TMC7: variants seen among roughly 807,000 people sequenced by gnomAD.
TMC7 encodes the protein transmembrane channel like 7.
TMC7 carries 54 observed loss-of-function variants against 82.9 expected under a neutral mutation model. The observed-to-expected ratio is 0.65, with a 90% confidence interval of 0.52 to 0.82. TMC7 has a LOEUF of 0.82. Ranked by LOEUF, TMC7 falls within the 40% of genes least tolerant of loss-of-function variation. The pLI is 0.00. For synonymous variants in TMC7, 350 were observed against 337.9 expected, an observed-to-expected ratio of 1.04 and a Z score of -0.39; for missense variants, 820 against 901.2, an observed-to-expected ratio of 0.91 and a Z score of 1.15.
chr16:19,039,837 C>T (rs149183430), intron 8 of TMC7, among the ~76,000 whole-genome samples: 27 of 152,098 alleles, frequency 1.8e-4, no homozygotes, highest in Non-Finnish European at 2.9e-4. Context: ...AGATGGCGGC[C>T]GGGCGAGGTG....
Position 19,051,753 on chromosome 16 carries a change from TC to T in TMC7, c.1810del (p.Leu604CysfsTer5), listed in dbSNP as rs1567529439. The T allele has an allele frequency of 1.2e-6, 2 of 1,614,020 alleles. No individual in the cohort carries two copies. The highest frequency in any genetic ancestry group is 1.7e-6 in the Non-Finnish European group (2 of 1,180,024). ...AGAGCATCCAATTCTAATTTCTTCTTCCTGTTGGTGTTGTTGATCGGGCTGT... is the reference window on the plus strand; with the variant it reads ...AGAGCATCCAATTCTAATTTCTTCTTCTGTTGGTGTTGTTGATCGGGCTGT... ...PFRASNSNFF[F>X]LLVLLIGLCL... On this transcript the variant is annotated frameshift_variant, in exon 13 of 16. Coordinates refer to ENST00000304381, the MANE Select transcript of TMC7 (RefSeq NM_024847.4). LOFTEE classifies it high-confidence loss of function.
chr16:18,990,928 A>G (rs910135626), intron 1 of TMC7, among the ~76,000 whole-genome samples: 33 of 152,314 alleles, frequency 2.2e-4, no homozygotes, highest in Non-Finnish European at 3.7e-4. Flanking sequence ...ATCTGGATGT[A>G]TACGTGCAGG....
chr16:19,008,620 G>C (rs1431229063), intron 1 of TMC7, among the ~76,000 whole-genome samples: 1 of 152,190 alleles, frequency 6.6e-6, no homozygotes, highest in African/African-American at 2.4e-5. Flanking sequence ...GCTGTGTTCT[G>C]TTGGTCCAAG....
At chr16:19,029,140 G>A (rs1409679775) in intron 5 of TMC7, among the ~76,000 whole-genome samples, 2 of 151,296 alleles carry the variant, frequency 1.3e-5, no homozygotes, top group African/African-American at 4.9e-5. Flanking sequence ...CGAGTAGCTG[G>A]GACTACAGGC....
intron 14 of TMC7, 54 bp from the exon 15 acceptor site, chr16:19,059,362 A>G (rs1037746455): frequency 4.2e-5 from 66 of 1,586,036 alleles, no homozygotes; most frequent in Non-Finnish European, 5.3e-5. Context: ...TTATTTTTCT[A>G]TTGGCCTTCA....
intron 13 of TMC7, 150 bp downstream of exon 13, chr16:19,051,966 C>T (rs940579798): frequency 2.0e-5 from 20 of 992,036 alleles, no homozygotes; most frequent in South Asian, 1.4e-4. Context: ...GCAGTCTTGG[C>T]TCACTGCAAC....
chr16:19,054,794 G>A (rs1300478336), intron 13 of TMC7, among the ~76,000 whole-genome samples: 1 of 143,600 alleles, frequency 7.0e-6, no homozygotes, highest in Non-Finnish European at 1.5e-5. Flanking sequence ...ACCCAGGCTG[G>A]AGTGCAGTGT....
At chr16:19,015,407 A>C (rs1227086540) in intron 2 of TMC7, among the ~76,000 whole-genome samples, 1 of 151,344 alleles carries the variant, frequency 6.6e-6, no homozygotes, top group Admixed American at 6.6e-5. Flanking sequence ...GATTACAGGC[A>C]TGAGCCACTG....
At chr16:18,997,021 G>A (rs1342070858) in intron 1 of TMC7, among the ~76,000 whole-genome samples, 1 of 152,198 alleles carries the variant, frequency 6.6e-6, no homozygotes, top group African/African-American at 2.4e-5. Context: ...GAAGGGTAGC[G>A]AGAGAGGCCA....
intron 2 of TMC7, chr16:19,012,273 A>G (rs1959401920): frequency 6.6e-6 from 1 of 152,200 alleles, no homozygotes; most frequent in South Asian, 2.1e-4. Context: ...AATTTATTTA[A>G]AAACCAAATA....
At chr16:19,027,898 G>GA (rs1169664838) in intron 5 of TMC7, among the ~76,000 whole-genome samples, 4 of 152,074 alleles carry the variant, frequency 2.6e-5, no homozygotes, top group Non-Finnish European at 5.9e-5. Context: ...CAGTTGTCAT[G>GA]AAAAATACAG....
intron 7 of TMC7, among the ~76,000 whole-genome samples, chr16:19,037,351 G>C (rs1407718578): frequency 1.6e-5 from 2 of 128,254 alleles, no homozygotes; most frequent in Non-Finnish European, 3.1e-5. Context: ...TTGGACCACT[G>C]CACTCCAGCC....
At chr16:19,047,530 G>A (rs1961336284) in intron 12 of TMC7, among the ~76,000 whole-genome samples, 2 of 149,762 alleles carry the variant, frequency 1.3e-5, no homozygotes, top group African/African-American at 4.9e-5. Context: ...CCGAGTAGCT[G>A]GGACTACAGG....
intron 1 of TMC7, among the ~76,000 whole-genome samples, chr16:19,003,159 C>T (rs1247380996): frequency 1.3e-5 from 2 of 152,150 alleles, no homozygotes; most frequent in Non-Finnish European, 2.9e-5. Context: ...AGCAAGACCC[C>T]GTCTCTACTA....
chr16:18,997,966 T>C (rs1442252716), intron 1 of TMC7, among the ~76,000 whole-genome samples: 1 of 151,738 alleles, frequency 6.6e-6, no homozygotes, highest in Admixed American at 6.6e-5. Context: ...TCTGCTGATC[T>C]CGTGATCCGC....
chr16:18,987,164 A>C (rs2038866531), intron 1 of TMC7, among the ~76,000 whole-genome samples: 1 of 152,154 alleles, frequency 6.6e-6, no homozygotes, highest in Non-Finnish European at 1.5e-5. Flanking sequence ...TCAGAGAGGC[A>C]GACCTCTGGG....
At chr16:19,032,547 TAA>T (rs199666328) in intron 6 of TMC7, among the ~76,000 whole-genome samples, 44,588 of 132,414 alleles carry the variant, frequency 0.34, 6,789 homozygotes, top group Non-Finnish European at 0.37. Context: ...TTGTAAATGA[TAA>T]AAAAAAAAAA....
At chr16:19,013,890 A>G (rs1400874481) in intron 2 of TMC7, among the ~76,000 whole-genome samples, 28 of 104,494 alleles carry the variant, frequency 2.7e-4, no homozygotes, top group African/African-American at 8.8e-4. Context: ...GTCTCGCTCT[A>G]TTGCCCAGGC....
intron 14 of TMC7, 25 bp downstream of exon 14, chr16:19,056,722 C>G (rs12922417): frequency 6.2e-7 from 1 of 1,609,298 alleles, no homozygotes; most frequent in South Asian, 1.1e-5. Flanking sequence ...CCAGGACCCA[C>G]TGAGGCACGT....
Sources: gnomAD v4.1 joint callset for allele counts (sites outside exome capture counted in the v4.1 genomes callset) on GRCh38, gnomAD v4.1.1 for gene constraint, MANE v1.5 for transcripts, NCBI Gene and HGNC (gene_info 2026-07-23, HGNC 2026-07-21) for gene names.